MYO15A: variants seen among roughly 807,000 people sequenced by gnomAD.
MYO15A encodes the protein unconventional myosin-XV.
Under a neutral mutation model 394.6 loss-of-function variants are expected in MYO15A, and 308 were observed. The observed-to-expected ratio is 0.78, with a 90% confidence interval of 0.71 to 0.86. MYO15A has a LOEUF of 0.86. Ranked by LOEUF, MYO15A falls within the 40% of genes least tolerant of loss-of-function variation. The probability of loss-of-function intolerance (pLI) is 0.00; values close to 1 mark genes in which losing one functional copy is unlikely to be tolerated. For synonymous variants in MYO15A, 1,957 were observed against 2,003.8 expected (o/e 0.98, Z 0.62); for missense variants, 4,606 against 4,799.1 (o/e 0.96, Z 1.19).
rs771720649 is a variant in MYO15A at position 18,121,429 on chromosome 17, G to C, written c.2629G>C (p.Glu877Gln). The change falls in exon 2 of 66, where the codon GAG becomes CAG. Residue 877 changes from glutamate to glutamine, a missense_variant. Glu to Gln is a conservative substitution (Grantham distance 29, BLOSUM62 2). Transcript: ENST00000647165. This position sits in a 1 kb window ranked among gnomAD's most constrained non-coding sequence, Gnocchi z 5.3. ...CCCGCACACGTGGCGGCGCCTCAGC[G>C]AGCCACCCACTCGGGCTGTGAAGCC... ...RLPHTWRRLS[E>Q]PPTRAVKPQV... is the part of the protein sequence containing the mutation. 1.3e-6 allele frequency: 2 copies of C among 1,545,280 alleles called. No homozygotes were observed. The highest frequency in any genetic ancestry group is 1.9e-4 in the Middle Eastern group (1 of 5,316).
intron 48 of MYO15A, 43 bp downstream of exon 48, chr17:18,156,379 G>A: frequency 6.2e-7 from 1 of 1,600,464 alleles, no homozygotes; most frequent in East Asian, 2.2e-5. Context: ...CAGGCTGAGG[G>A]CCAGCAACAG....
intron 33 of MYO15A, 70 bp downstream of exon 33, chr17:18,149,022 A>G: frequency 6.5e-7 from 1 of 1,529,522 alleles, no homozygotes; most frequent in Non-Finnish European, 8.8e-7. Context: ...TCCCAGGCAG[A>G]AGGCCTGCCC....
intron 2 of MYO15A, chr17:18,124,259 G>A (rs1177562556): frequency 3.3e-6 from 2 of 612,766 alleles, no homozygotes; most frequent in African/African-American, 3.6e-5. Flanking sequence ...GCTCATGGGA[G>A]GGCCTGCCTG....
rs767582423 is a variant in MYO15A at position 18,155,153 on chromosome 17, C to A, written c.8268C>A (p.Ser2756Arg). The A allele has an allele frequency of 6.8e-6, 11 of 1,613,970 alleles. No individual in the cohort carries two copies. Among genetic ancestry groups the A allele is most frequent in the Non-Finnish European group, 9.3e-6 (11 of 1,180,020 alleles). The change falls in exon 46 of 66, where the codon AGC becomes AGA. Residue 2756 changes from serine to arginine, a missense_variant. Ser to Arg is a moderately radical substitution (Grantham distance 110). Around this residue, in one of 2 missense-constraint regions of MYO15A, gnomAD observed 2,776 missense variants for 3,109.3 expected, o/e 0.89. Transcript: ENST00000647165. ...CACAGAAGCCTCTGGTAACGGAAAG[C>A]GTGAAGCGGGCCGTGGTCAGCACTG... The part of the protein sequence containing the change: ...LDTQKPLVTE[S>R]VKRAVVSTAR...
rs2046676498 is a variant in MYO15A, at chr17:18,156,412, T to C, written c.8601+76T>C. On this transcript the variant is annotated intron_variant, in intron 48 of 65. Coordinates refer to ENST00000647165, the MANE Select transcript of MYO15A (RefSeq NM_016239.4). ...CAGGGATCTCCCTGTTCCAGGGAAA[T>C]ATGACTGTGTCCATAGATTTCTGTC... 7 of 1,506,022 alleles carry C rather than the reference T, an allele frequency of 4.6e-6. No homozygotes were observed. The Admixed American group carries it at 1.3e-4, about 28-fold the overall frequency. The allele number at this position is 1,506,022 out of a possible 1,614,324, so 93.3% of individuals were successfully genotyped here.
chr17:18,120,922 G>A lies in MYO15A; in HGVS notation c.2122G>A (p.Ala708Thr), dbSNP rs1354947463. The A allele has an allele frequency of 1.4e-6, 2 of 1,462,432 alleles. No individual in the cohort carries two copies. The highest frequency in any genetic ancestry group is 2.4e-5 in the Admixed American group (1 of 42,248). 90.6% of individuals were successfully genotyped at this position (1,462,432 alleles called of 1,614,324 possible). ...RRHPPPWAAP[A>T]HVPPAPQASW... ...CCACCCGCCGCCCTGGGCCGCCCCA[G>A]CGCACGTGCCACCGGCGCCGCAGGC... Residue 708 changes from alanine to threonine, a missense_variant, in exon 2 of 66, where the codon GCG (alanine) becomes ACG (threonine). By Grantham distance (58) the Ala-to-Thr change is moderately conservative. Around this residue, in one of 2 missense-constraint regions of MYO15A, gnomAD observed 1,830 missense variants for 1,689.7 expected, o/e 1.08. Transcript: ENST00000647165.
At chr17:18,175,869 C>T (rs1298276585) in intron 65 of MYO15A, among the ~76,000 whole-genome samples, 1 of 152,080 alleles carries the variant, frequency 6.6e-6, no homozygotes, top group East Asian at 1.9e-4. Flanking sequence ...CCTCCTCTCC[C>T]ACCTCCCCCA....
rs1042721945 is a variant in MYO15A, at chr17:18,120,899, A to T, written c.2099A>T (p.His700Leu). 8.8e-5 allele frequency: 123 copies of T among 1,393,082 alleles called. No homozygotes were observed. The highest frequency in any genetic ancestry group is 1.1e-4 in the Non-Finnish European group (121 of 1,076,774). The allele number at this position is 1,393,082 out of a possible 1,614,324, so 86.3% of individuals were successfully genotyped here. A position where few individuals can be genotyped will look rare whatever the true frequency, so the allele number is the denominator to read the frequency against. The change falls in exon 2 of 66, where the codon CAC (histidine) becomes CTC (leucine). Residue 700 changes from histidine to leucine, a missense_variant. Around this residue, in one of 2 missense-constraint regions of MYO15A, gnomAD observed 1,830 missense variants for 1,689.7 expected, o/e 1.08. Transcript: ENST00000647165. ...TCGCCCTACGGCTCCCTCCGCCGCC[A>T]CCCGCCGCCCTGGGCCGCCCCAGCG... ...PASPYGSLRR[H>L]PPPWAAPAHV...
rs1238228271 is a variant in MYO15A at position 18,117,759 on chromosome 17, A to G, written c.-219-823A>G. Among the ~76,000 whole-genome samples, 7 of 152,232 alleles carry G rather than the reference A, an allele frequency of 4.6e-5. No homozygotes were observed. Among genetic ancestry groups the G allele is most frequent in the African/African-American group, 1.4e-4 (6 of 41,452 alleles). ...GCAATCAGCTATGCCCAGAGAAGGC[A>G]GTAACCACATGGCCACAGCCTACTC... On this transcript the variant is annotated intron_variant, in intron 1 of 65. Coordinates refer to ENST00000647165, the MANE Select transcript of MYO15A (RefSeq NM_016239.4). This position sits in a 1 kb window ranked among gnomAD's most constrained non-coding sequence, Gnocchi z 4.1.
intron 1 of MYO15A, 160 bp downstream of exon 1, chr17:18,108,984 G>A (rs1037958920): frequency 6.6e-6 from 1 of 152,486 alleles, no homozygotes; most frequent in Non-Finnish European, 1.5e-5. Context: ...TCTGTGAGGG[G>A]TGTGATGCCC....
intron 56 of MYO15A, 140 bp downstream of exon 56, chr17:18,160,157 G>A (rs935460738): frequency 1.2e-5 from 10 of 816,644 alleles, no homozygotes; most frequent in African/African-American, 6.8e-5. Context: ...AATAGAGCAC[G>A]TTTTTTGGAA....
chr17:18,158,167 A>G, intron 51 of MYO15A: 4 of 600,438 alleles, frequency 6.7e-6, no homozygotes, highest in Non-Finnish European at 1.2e-5. Context: ...ATGGGGTCAG[A>G]CCAGCCGGGG....
At chr17:18,129,386 G>A (rs1001326170) in intron 7 of MYO15A, among the ~76,000 whole-genome samples, 5 of 152,194 alleles carry the variant, frequency 3.3e-5, no homozygotes, top group Non-Finnish European at 7.3e-5. Context: ...TAGTACACAG[G>A]AAAGCCCAGG....
chr17:18,113,887 A>T (rs9907044), intron 1 of MYO15A, among the ~76,000 whole-genome samples: 2,023 of 151,652 alleles, frequency 0.013, 38 homozygotes, highest in African/African-American at 0.047. Flanking sequence ...CAACAGGCTG[A>T]TCTGCAGCCT....
chr17:18,157,790 GC>G lies in MYO15A; in HGVS notation c.8862del (p.Asp2955ThrfsTer79), dbSNP rs1269127133. 5 of 1,603,636 alleles carry G rather than the reference GC, an allele frequency of 3.1e-6. No homozygotes were observed. Among genetic ancestry groups the G allele is most frequent in the Non-Finnish European group, 2.5e-6 (3 of 1,179,416 alleles). ...TTCGGAGCTGGTGCAGCCCGCTGCT[GC>G]CCCCGACTTCCTGCAGCTGCCAACG... ...FPSELVQPAA[A>X]PDFLQLPTEP... On this transcript the variant is annotated frameshift_variant, in exon 51 of 66. Coordinates refer to ENST00000647165, the MANE Select transcript of MYO15A (RefSeq NM_016239.4). LOFTEE classifies it high-confidence loss of function.
chr17:18,162,447 A>G (rs2046790031), intron 57 of MYO15A, 138 bp from the exon 58 acceptor site: 3 of 761,546 alleles, frequency 3.9e-6, no homozygotes, highest in African/African-American at 1.7e-5. Flanking sequence ...TGTTTCCTCA[A>G]CTGTCAAATG....
In MYO15A at chr17:18,166,521, G is replaced by A. The variant is rs768071325; in HGVS notation, c.9948G>A (p.Gln3316=). ...TATATGTGACCATGCACTACAACCA[G>A]GTCAGCACACGTAGGCTTCTCTGGA... is the stretch of plus-strand genomic sequence containing the variant. The part of the protein sequence containing the change: ...NELYVTMHYN[Q]VLPDYLKGLF... The change falls in exon 61 of 66, where the codon CAG becomes CAA. Residue 3316 remains glutamine, a splice_region_variant and synonymous_variant. Transcript: ENST00000647165. 6 of 1,612,572 alleles carry A rather than the reference G, an allele frequency of 3.7e-6. No homozygotes were observed. The South Asian group carries it at 6.6e-5, about 18-fold the overall frequency.
In MYO15A at chr17:18,160,820, G is replaced by GT. The variant is rs1361908218; in HGVS notation, c.9387-496dup. The GT allele has an allele frequency of 2.1e-4, 67 of 321,118 alleles. No individual in the cohort carries two copies. The East Asian group carries it at 5.1e-3, about 24-fold the overall frequency. The allele number at this position is 321,118 out of a possible 1,614,324, so 19.9% of individuals were successfully genotyped here. A position where few individuals can be genotyped will look rare whatever the true frequency, so the allele number is the denominator to read the frequency against. ...TCCACTCATGCAGGGCCAGCACACAGTACGTGCCCAATGTGTGCATGCTCT... is the reference window on the plus strand; with the variant it reads ...TCCACTCATGCAGGGCCAGCACACAGTTACGTGCCCAATGTGTGCATGCTCT... On this transcript the variant is annotated intron_variant, in intron 56 of 65. Coordinates refer to ENST00000647165, the MANE Select transcript of MYO15A (RefSeq NM_016239.4).
At position 18,137,694 on chromosome 17, in the gene MYO15A, T is replaced by C. The variant is rs1163817279; in HGVS notation, c.4875+15T>C. On this transcript the variant is annotated intron_variant, in intron 16 of 65. Coordinates refer to ENST00000647165, the MANE Select transcript of MYO15A (RefSeq NM_016239.4). Reference sequence around the variant, plus strand: ...AGGAGGAGCAGGTGTGTGGGCCCCATTAATACTCCTGTCCCTGTCTTGACT... The same window carrying C: ...AGGAGGAGCAGGTGTGTGGGCCCCACTAATACTCCTGTCCCTGTCTTGACT... 6.2e-7 allele frequency: 1 copy of C among 1,612,186 alleles called. No individual in the cohort carries two copies. The highest frequency in any genetic ancestry group is 8.5e-7 in the Non-Finnish European group (1 of 1,178,790).
Sources: gnomAD v4.1 joint callset for allele counts (sites outside exome capture counted in the v4.1 genomes callset) on GRCh38, gnomAD v4.1.1 for gene constraint, gnomAD v4.1.1 regional missense constraint, Gnocchi (gnomAD v3.1) non-coding constraint, MANE v1.5 for transcripts, NCBI Gene and HGNC (gene_info 2026-07-23, HGNC 2026-07-21) for gene names.